Variants in YWHAE observed in about 807,000 individuals in gnomAD.
The protein encoded by YWHAE is 14-3-3 protein epsilon.
YWHAE carries 4 observed loss-of-function variants against 30.1 expected under a neutral mutation model. The ratio of observed to expected loss-of-function variants is 0.13; its 90% CI spans 0.07 to 0.30. YWHAE has a LOEUF of 0.30. Among genes scored for constraint, YWHAE ranks in the 10% least tolerant of loss-of-function variants. YWHAE has a pLI of 1.00. For synonymous variants in YWHAE, 118 were observed against 111.8 expected, an observed-to-expected ratio of 1.06 and a Z score of -0.35; for missense variants, 121 against 315.9, an observed-to-expected ratio of 0.38 and a Z score of 4.68.
intron 1 of YWHAE, among the ~76,000 whole-genome samples, chr17:1,371,454 C>G (rs957143164): frequency 1.3e-5 from 2 of 151,850 alleles, no homozygotes; most frequent in Admixed American, 6.6e-5. Flanking sequence ...CAAGCTTCAA[C>G]AGTGGGCTTA....
At chr17:1,358,389 G>T (rs949586973) in intron 4 of YWHAE, among the ~76,000 whole-genome samples, 1 of 152,014 alleles carries the variant, frequency 6.6e-6, no homozygotes, top group Non-Finnish European at 1.5e-5. Flanking sequence ...ACAGGCGCCC[G>T]CCACCACGCC....
chr17:1,351,736 C>A (rs192930235), intron 5 of YWHAE, among the ~76,000 whole-genome samples: 2 of 152,062 alleles, frequency 1.3e-5, no homozygotes, highest in African/African-American at 2.4e-5. Flanking sequence ...CAACCTCAGC[C>A]GTCTGAGAAG....
chr17:1,348,346 T>C (rs1173292243), intron 5 of YWHAE, among the ~76,000 whole-genome samples: 5 of 152,204 alleles, frequency 3.3e-5, no homozygotes, highest in Admixed American at 3.3e-4. Flanking sequence ...ACAATCCTCT[T>C]ACCACAGGGT....
At chr17:1,383,298 T>C in intron 1 of YWHAE, among the ~76,000 whole-genome samples, 1 of 151,498 alleles carries the variant, frequency 6.6e-6, no homozygotes, top group South Asian at 2.1e-4. Flanking sequence ...TTCCGCGAGC[T>C]GAGATCGCGC....
chr17:1,390,587 G>C (rs1293780856), intron 1 of YWHAE, among the ~76,000 whole-genome samples: 1 of 152,196 alleles, frequency 6.6e-6, no homozygotes, highest in Non-Finnish European at 1.5e-5. Context: ...TAGTAGGCAA[G>C]AGAGACATCA....
chr17:1,364,468 C>T (rs1010648046), intron 2 of YWHAE, among the ~76,000 whole-genome samples: 12 of 152,072 alleles, frequency 7.9e-5, no homozygotes, highest in African/African-American at 1.9e-4. Context: ...CCTCGTGATC[C>T]GCCCACCTCA....
At position 1,386,792 on chromosome 17, in the gene YWHAE, G is replaced by GA. The variant is rs368552816; in HGVS notation, c.64+13254dup. Among the ~76,000 whole-genome samples the GA allele has an allele frequency of 4.4e-3, 665 of 151,968 alleles. 7 individuals are homozygous for GA. Among genetic ancestry groups the GA allele is most frequent in the African/African-American group, 0.015 (617 of 41,478 alleles). ...CGGTGAAACACCCGTCTCTACTGAA[G>GA]AAAAAACAAAAATTAGCCAGGCATG... On this transcript the variant is annotated intron_variant, in intron 1 of 5. Transcript: ENST00000264335.
chr17:1,391,869 A>G (rs759129277), intron 1 of YWHAE, among the ~76,000 whole-genome samples: 12 of 152,156 alleles, frequency 7.9e-5, no homozygotes, highest in African/African-American at 2.9e-4. Context: ...AGATCACATG[A>G]GCTCAGGAGT....
intron 1 of YWHAE, among the ~76,000 whole-genome samples, chr17:1,384,635 A>C (rs1345645816): frequency 6.6e-6 from 1 of 151,910 alleles, no homozygotes; most frequent in Non-Finnish European, 1.5e-5. Flanking sequence ...TGAGGGTTTC[A>C]CCAGGCTGGT....
intron 1 of YWHAE, among the ~76,000 whole-genome samples, chr17:1,394,598 CCT>C (rs1198573454): frequency 3.3e-5 from 5 of 151,534 alleles, no homozygotes; most frequent in Admixed American, 6.6e-5. Context: ...AAAGCAAGAC[CCT>C]GTTTCAAAAA....
chr17:1,390,733 A>G (rs2073376940), intron 1 of YWHAE, among the ~76,000 whole-genome samples: 1 of 152,250 alleles, frequency 6.6e-6, no homozygotes, highest in South Asian at 2.1e-4. Context: ...TTAGATATGA[A>G]TGAAGAGTTA....
chr17:1,383,481 G>A (rs562292422), intron 1 of YWHAE, among the ~76,000 whole-genome samples: 19 of 147,264 alleles, frequency 1.3e-4, no homozygotes, highest in Non-Finnish European at 2.5e-4. Flanking sequence ...TCTACCTCCC[G>A]GGTTCAAGCA....
intron 1 of YWHAE, among the ~76,000 whole-genome samples, chr17:1,398,471 G>A (rs1271429483): frequency 6.6e-6 from 1 of 151,928 alleles, no homozygotes; most frequent in Admixed American, 6.6e-5. Flanking sequence ...TCTTATTTCT[G>A]ATGATAAGGG....
chr17:1,357,707 C>G (rs753937137), intron 4 of YWHAE, among the ~76,000 whole-genome samples: 16 of 152,028 alleles, frequency 1.1e-4, no homozygotes, highest in Admixed American at 2.0e-4. Context: ...GGCTGGATCA[C>G]TTAAGGTGAG....
intron 1 of YWHAE, among the ~76,000 whole-genome samples, chr17:1,389,508 T>C (rs923109113): frequency 2.0e-5 from 3 of 152,068 alleles, no homozygotes; most frequent in East Asian, 1.9e-4. Flanking sequence ...AATGCGAACA[T>C]TTAACAATGA....
chr17:1,356,942 T>C (rs1291152066), intron 4 of YWHAE, among the ~76,000 whole-genome samples: 1 of 150,912 alleles, frequency 6.6e-6, no homozygotes, highest in Non-Finnish European at 1.5e-5. Flanking sequence ...GCTTAAGCAG[T>C]TGTCCTCAAA....
rs569834689 is a variant in YWHAE at position 1,349,423 on chromosome 17, G to C, written c.716-3924C>G. 2.6e-5 allele frequency among the ~76,000 whole-genome samples: 4 copies of C among 152,306 alleles called. No individual in the cohort carries two copies. In the East Asian group the frequency reaches 7.7e-4, roughly 29 times the overall value. On this transcript the variant is annotated intron_variant, in intron 5 of 5. Coordinates refer to ENST00000264335, the MANE Select transcript of YWHAE (RefSeq NM_006761.5). ...ACCCACAATTATTTGTGTATTCAGAGTTTGTTAGTTGTACCGGAATGTCAA... is the reference window on the plus strand; with the variant it reads ...ACCCACAATTATTTGTGTATTCAGACTTTGTTAGTTGTACCGGAATGTCAA...
intron 1 of YWHAE, among the ~76,000 whole-genome samples, chr17:1,378,181 GA>G (rs1463214563): frequency 6.6e-6 from 1 of 152,220 alleles, no homozygotes; most frequent in East Asian, 1.9e-4. Context: ...AGTCATCACA[GA>G]AAATGTATGC....
intron 2 of YWHAE, among the ~76,000 whole-genome samples, chr17:1,363,106 C>G (rs1416371353): frequency 2.0e-5 from 3 of 152,134 alleles, no homozygotes; most frequent in Middle Eastern, 3.2e-3. Context: ...CTCTCTACTC[C>G]TAGACTTTCA....
Sources: gnomAD v4.1 joint callset for allele counts (sites outside exome capture counted in the v4.1 genomes callset) on GRCh38, gnomAD v4.1.1 for gene constraint, MANE v1.5 for transcripts, NCBI Gene and HGNC (gene_info 2026-07-23, HGNC 2026-07-21) for gene names.